Variants in STARD13 observed in about 807,000 individuals in gnomAD.
The protein encoded by STARD13 is StAR related lipid transfer domain containing 13.
A neutral mutation model predicts 106.4 loss-of-function variants in STARD13; 62 were observed. The observed-to-expected ratio is 0.58, with a 90% CI of 0.48 to 0.72. The LOEUF (loss-of-function observed/expected upper bound fraction) is 0.72. Ranked by LOEUF, STARD13 falls within the 30% of genes least tolerant of loss-of-function variation. STARD13 has a pLI of 0.00. For synonymous variants in STARD13, 565 were observed against 553.0 expected (o/e 1.02, Z -0.31); for missense variants, 1,387 against 1,424.0 (o/e 0.97, Z 0.42).
At chr13:33,112,380 G>A (rs1874708738) in intron 9 of STARD13, among the ~76,000 whole-genome samples, 1 of 152,118 alleles carries the variant, frequency 6.6e-6, no homozygotes, top group South Asian at 2.1e-4. Context: ...AAAGAGTGTT[G>A]ACAAATCCTG....
chr13:33,345,019 A>T (rs944329332), downstream of STARD13, among the ~76,000 whole-genome samples: 2 of 152,244 alleles, frequency 1.3e-5, no homozygotes, highest in Admixed American at 6.5e-5. Context: ...ATGCCATAAA[A>T]GTTTAGAATT....
intron 1 of STARD13, among the ~76,000 whole-genome samples, chr13:33,315,494 G>A (rs1421424145): frequency 6.6e-6 from 1 of 152,164 alleles, no homozygotes; most frequent in Non-Finnish European, 1.5e-5. Context: ...CCCAGAGTGA[G>A]AAGACCCTTA....
the STARD13 span, among the ~76,000 whole-genome samples, chr13:33,588,852 C>A: frequency 4.6e-5 from 7 of 152,326 alleles, no homozygotes; most frequent in South Asian, 6.2e-4. Flanking sequence ...TTCGCCCCCT[C>A]ACTTAACTCA....
the STARD13 span, among the ~76,000 whole-genome samples, chr13:33,481,835 C>T: frequency 2.4e-4 from 33 of 135,938 alleles, no homozygotes; most frequent in African/African-American, 8.6e-4. Context: ...AAAAATTAGC[C>T]GGGCGTGGTG....
chr13:33,233,233 C>T (rs1291766038), intron 1 of STARD13, among the ~76,000 whole-genome samples: 1 of 152,214 alleles, frequency 6.6e-6, no homozygotes, highest in Non-Finnish European at 1.5e-5. Flanking sequence ...GGTGTGCTTT[C>T]CTCTGATGGA....
the STARD13 span, among the ~76,000 whole-genome samples, chr13:33,474,857 C>A: frequency 2.0e-5 from 3 of 152,066 alleles, no homozygotes; most frequent in Non-Finnish European, 4.4e-5. Context: ...GGCAAAAATC[C>A]CCCTGCATTT....
At chr13:33,179,916 G>C (rs1042600517) in intron 1 of STARD13, among the ~76,000 whole-genome samples, 12 of 152,226 alleles carry the variant, frequency 7.9e-5, no homozygotes, top group Non-Finnish European at 1.5e-4. Flanking sequence ...ATTAGGAGCT[G>C]AGATTCGTGT....
intron 1 of STARD13, among the ~76,000 whole-genome samples, chr13:33,261,874 T>A (rs558537827): frequency 6.5e-4 from 99 of 152,346 alleles, no homozygotes; most frequent in African/African-American, 2.4e-3. Flanking sequence ...AAACACTGTA[T>A]GCACGGGTTG....
At chr13:33,497,635 T>C in the STARD13 span, among the ~76,000 whole-genome samples, 2 of 152,160 alleles carry the variant, frequency 1.3e-5, no homozygotes, top group South Asian at 4.1e-4. Context: ...ATTAGCTGAT[T>C]TGTTTATTCT....
chr13:33,487,629 T>A, the STARD13 span, among the ~76,000 whole-genome samples: 1 of 152,154 alleles, frequency 6.6e-6, no homozygotes, highest in Admixed American at 6.5e-5. Context: ...AGCTTTTAAT[T>A]TGGGCACCTT....
At chr13:33,632,933 A>C in the STARD13 span, among the ~76,000 whole-genome samples, 2 of 152,220 alleles carry the variant, frequency 1.3e-5, no homozygotes, top group Non-Finnish European at 2.9e-5. Context: ...CAAGACCTGA[A>C]TAAACATAGC....
chr13:33,155,221 T>C (rs1324331634), intron 3 of STARD13, among the ~76,000 whole-genome samples: 1 of 151,828 alleles, frequency 6.6e-6, no homozygotes, highest in Non-Finnish European at 1.5e-5. Context: ...GACTCGCTCC[T>C]CCTTCATGGT....
chr13:33,133,648 T>C (rs1196013478), intron 4 of STARD13, among the ~76,000 whole-genome samples: 1 of 69,704 alleles, frequency 1.4e-5, no homozygotes, highest in African/African-American at 6.1e-5. Context: ...CAGACTATAC[T>C]AAAGCAAAAA....
the STARD13 span, among the ~76,000 whole-genome samples, chr13:33,491,524 A>G: frequency 6.6e-6 from 1 of 152,204 alleles, no homozygotes; most frequent in East Asian, 1.9e-4. Context: ...ACATTTCATC[A>G]GTGATCTGTG....
the STARD13 span, among the ~76,000 whole-genome samples, chr13:33,671,980 C>A: frequency 1.3e-5 from 2 of 151,968 alleles, no homozygotes; most frequent in Non-Finnish European, 2.9e-5. Flanking sequence ...AGATCTAGAA[C>A]CAGAAATACC....
chr13:33,660,290 CAT>C, the STARD13 span, among the ~76,000 whole-genome samples: 1 of 152,194 alleles, frequency 6.6e-6, no homozygotes, highest in African/African-American at 2.4e-5. Context: ...TGTTAGTTGT[CAT>C]AGTTTTTCAC....
chr13:33,510,873 G>A, the STARD13 span, among the ~76,000 whole-genome samples: 3 of 152,270 alleles, frequency 2.0e-5, no homozygotes, highest in East Asian at 3.9e-4. Context: ...ACATTTTTGT[G>A]TACTGAGTTC....
At chr13:33,627,588 G>C in the STARD13 span, among the ~76,000 whole-genome samples, 2 of 151,276 alleles carry the variant, frequency 1.3e-5, no homozygotes, top group African/African-American at 4.9e-5. Context: ...AGTGAGCTGA[G>C]ACCGTGTCAC....
At chr13:33,239,070 T>C (rs1372001103) in intron 1 of STARD13, among the ~76,000 whole-genome samples, 1 of 151,792 alleles carries the variant, frequency 6.6e-6, no homozygotes, top group Non-Finnish European at 1.5e-5. Flanking sequence ...TCATTCTACT[T>C]TCTGTGACTA....
Sources: gnomAD v4.1 joint callset for allele counts (sites outside exome capture counted in the v4.1 genomes callset) on GRCh38, gnomAD v4.1.1 for gene constraint, MANE v1.5 for transcripts, NCBI Gene and HGNC (gene_info 2026-07-23, HGNC 2026-07-21) for gene names.